Variants in TBC1D19 observed in about 807,000 individuals in gnomAD.
TBC1D19 encodes TBC1 domain family, member 19.
TBC1D19 carries 60 observed loss-of-function variants against 89.0 expected under a neutral mutation model. That is an observed-to-expected ratio of 0.67 (90% CI 0.55 to 0.84). The LOEUF (loss-of-function observed/expected upper bound fraction) is 0.84, where lower values mean the gene tolerates loss of function less well. TBC1D19 is among the 40% of genes least tolerant of loss of function. The pLI is 0.00. For missense variants in TBC1D19, 500 were observed against 610.8 expected (o/e 0.82, Z 1.91); for synonymous variants, 189 against 199.7 (o/e 0.95, Z 0.45).
intron 1 of TBC1D19, among the ~76,000 whole-genome samples, chr4:26,606,290 A>C (rs1452990269): frequency 6.6e-6 from 1 of 152,198 alleles, no homozygotes; most frequent in Non-Finnish European, 1.5e-5. Flanking sequence ...GACCTTGCTC[A>C]GAGAGGAATG....
chr4:26,772,712 C>T, the TBC1D19 span, among the ~76,000 whole-genome samples: 7 of 152,172 alleles, frequency 4.6e-5, no homozygotes, highest in South Asian at 2.1e-4. Flanking sequence ...TTAGAACATG[C>T]GGTGTTTGGT....
At chr4:26,592,827 T>G (rs893993359) in intron 1 of TBC1D19, among the ~76,000 whole-genome samples, 4 of 151,860 alleles carry the variant, frequency 2.6e-5, no homozygotes, top group African/African-American at 7.3e-5. Context: ...CACTGCTCAA[T>G]GAAATAAAAG....
chr4:26,693,093 T>C (rs1320347322), intron 13 of TBC1D19, among the ~76,000 whole-genome samples: 4 of 145,284 alleles, frequency 2.8e-5, no homozygotes, highest in African/African-American at 7.7e-5. Flanking sequence ...ACCACTGCAC[T>C]CCAGCCTGGG....
chr4:26,661,486 C>T (rs1359661677), intron 8 of TBC1D19, among the ~76,000 whole-genome samples: 1 of 152,102 alleles, frequency 6.6e-6, no homozygotes, highest in Admixed American at 6.6e-5. Flanking sequence ...ACAGAGCTTC[C>T]AGTCAGTTCT....
intron 13 of TBC1D19, among the ~76,000 whole-genome samples, chr4:26,706,791 G>T (rs1400387943): frequency 6.6e-6 from 1 of 151,154 alleles, no homozygotes; most frequent in Non-Finnish European, 1.5e-5. Flanking sequence ...TAATCCATTG[G>T]CTGTTTAAGA....
intron 17 of TBC1D19, among the ~76,000 whole-genome samples, chr4:26,740,508 T>A (rs1718296507): frequency 6.6e-6 from 1 of 152,198 alleles, no homozygotes; most frequent in Non-Finnish European, 1.5e-5. Context: ...ATAGTACATA[T>A]TTTCTTTGTA....
At chr4:26,679,010 A>G (rs1713094790) in intron 11 of TBC1D19, among the ~76,000 whole-genome samples, 1 of 152,206 alleles carries the variant, frequency 6.6e-6, no homozygotes, top group Non-Finnish European at 1.5e-5. Context: ...GAGGTGACAG[A>G]GCATAAAAGT....
chr4:26,675,589 C>T (rs1461318839), intron 11 of TBC1D19, among the ~76,000 whole-genome samples: 1 of 152,026 alleles, frequency 6.6e-6, no homozygotes, highest in Non-Finnish European at 1.5e-5. Context: ...AGTGTGACCC[C>T]AATGAACTAT....
In TBC1D19 at chr4:26,717,994, C is replaced by T. The variant is rs377374054; in HGVS notation, c.1016C>T (p.Ser339Leu). 23 of 1,610,750 alleles carry T rather than the reference C, an allele frequency of 1.4e-5. No homozygotes were observed. The highest frequency in any genetic ancestry group is 2.7e-5 in the African/African-American group (2 of 74,738). Residue 339 changes from serine to leucine, a missense_variant, in exon 14 of 21, where the codon TCG becomes TTG. Ser to Leu is a moderately radical substitution (Grantham distance 145, BLOSUM62 -2). This residue lies in a region of TBC1D19 where 220 missense variants were observed against 319.1 expected (regional missense o/e 0.69). Transcript: ENST00000264866. ...VLSHFAFNSA[S>L]PPKSYIRGKL... ...AGTCACTTTGCATTCAACAGTGCCT[C>T]GCCACCAAAATCATACATAAGAGGT...
chr4:26,825,291 G>T, the TBC1D19 span, among the ~76,000 whole-genome samples: 997 of 152,150 alleles, frequency 6.6e-3, 14 homozygotes, highest in African/African-American at 0.022. Flanking sequence ...TAGAGATGGG[G>T]TTTCACCAAG....
At chr4:26,842,632 C>CTTTCTTTA in the TBC1D19 span, among the ~76,000 whole-genome samples, 1 of 126,348 alleles carries the variant, frequency 7.9e-6, no homozygotes, top group Admixed American at 8.9e-5. Flanking sequence ...TTCTTTCTTT[C>CTTTCTTTA]TTTCTTTCTT....
chr4:26,609,472 C>A (rs1254544544), intron 1 of TBC1D19, among the ~76,000 whole-genome samples: 8 of 152,140 alleles, frequency 5.3e-5, no homozygotes, highest in African/African-American at 1.9e-4. Flanking sequence ...TGGAAGCTAG[C>A]AGGTGTTTGC....
the TBC1D19 span, among the ~76,000 whole-genome samples, chr4:26,781,798 AT>A: frequency 0.25 from 37,038 of 146,342 alleles, 5,091 homozygotes; most frequent in Admixed American, 0.34. Flanking sequence ...ATCAAGGTTG[AT>A]TTTTTTTTTT....
chr4:26,637,219 G>A lies in TBC1D19; in HGVS notation c.303G>A (p.Trp101Ter). 6.2e-7 allele frequency: 1 copy of A among 1,604,380 alleles called. No homozygotes were observed. Among genetic ancestry groups the A allele is most frequent in the Non-Finnish European group, 8.5e-7 (1 of 1,174,702 alleles). Residue 101 changes from tryptophan (W) to a stop codon, truncating the protein, a stop_gained, in exon 5 of 21, where the codon TGG becomes TGA. Transcript: ENST00000264866. LOFTEE classifies it high-confidence loss of function. ...TGTTTTTTATGTTTCAGGGAAGTTGGGAAAAAAGAATTTTGAAGAGTTTAA... is the reference window on the plus strand; with the variant it reads ...TGTTTTTTATGTTTCAGGGAAGTTGAGAAAAAAGAATTTTGAAGAGTTTAA... ...LVYMRKAQGS[W>*]EKRILKSLNS...
chr4:26,682,818 C>T (rs1377712832), intron 11 of TBC1D19, among the ~76,000 whole-genome samples: 5 of 152,174 alleles, frequency 3.3e-5, no homozygotes, highest in Admixed American at 3.3e-4. Context: ...TTCTTCCTTT[C>T]CTCCCTTATT....
chr4:26,836,105 A>C, the TBC1D19 span, among the ~76,000 whole-genome samples: 2 of 151,940 alleles, frequency 1.3e-5, no homozygotes, highest in Non-Finnish European at 2.9e-5. Context: ...CTCTGGAAGC[A>C]CTTCCTGACC....
the TBC1D19 span, among the ~76,000 whole-genome samples, chr4:26,778,604 G>A: frequency 3.9e-5 from 6 of 152,040 alleles, no homozygotes; most frequent in East Asian, 1.9e-4. Flanking sequence ...TTACCCTGCC[G>A]CCTGGGTCCT....
chr4:26,659,545 T>C, intron 7 of TBC1D19, 52 bp from the exon 8 acceptor site: 2 of 1,214,448 alleles, frequency 1.6e-6, no homozygotes, highest in Non-Finnish European at 2.4e-6. Flanking sequence ...ATTTTATAAG[T>C]GTAAACATCC....
chr4:26,762,825 G>T, the TBC1D19 span, among the ~76,000 whole-genome samples: 1 of 152,120 alleles, frequency 6.6e-6, no homozygotes, highest in East Asian at 1.9e-4. Flanking sequence ...TAAAACTGGA[G>T]GAAAGGGCCA....
Sources: gnomAD v4.1 joint callset for allele counts (sites outside exome capture counted in the v4.1 genomes callset) on GRCh38, gnomAD v4.1.1 for gene constraint, gnomAD v4.1.1 regional missense constraint, MANE v1.5 for transcripts, NCBI Gene and HGNC (gene_info 2026-07-23, HGNC 2026-07-21) for gene names.